Variants in MRPL52 observed in about 807,000 individuals in gnomAD.
MRPL52 encodes the protein mitochondrial ribosomal protein L52, also known as large ribosomal subunit protein mL52.
A neutral mutation model predicts 22.1 loss-of-function variants in MRPL52; 19 were observed. The ratio of observed to expected loss-of-function variants is 0.86; its 90% CI spans 0.60 to 1.26. The LOEUF (loss-of-function observed/expected upper bound fraction) is 1.26, where lower values mean the gene tolerates loss of function less well. Ranked by LOEUF, MRPL52 falls within the 50% of genes most tolerant of loss-of-function variation. The pLI, the probability that MRPL52 is intolerant of heterozygous loss-of-function variation, is 0.00. For synonymous variants in MRPL52, 50 were observed against 57.5 expected (o/e 0.87, Z 0.59); for missense variants, 152 against 148.1 (o/e 1.03, Z -0.14).
Position 22,833,438 on chromosome 14 carries a change from A to C in MRPL52, c.175A>C (p.Met59Leu), listed in dbSNP as rs201749208. ...SYADGRPAPP[M>L]KGQLRRKAER... ...TGTAGATGGCCGCCCTGCTCCCCCA[A>C]TGAAAGGCCAGCTTCGAAGAAAAGC... is the stretch of plus-strand genomic sequence containing the variant. Residue 59 changes from methionine to leucine, a missense_variant, in exon 4 of 5, where the codon ATG becomes CTG. Physicochemically the swap from Met to Leu is conservative, Grantham distance 15 (BLOSUM62 2). Transcript: ENST00000397496. 6.2e-7 allele frequency: 1 copy of C among 1,613,544 alleles called. No homozygotes were observed. The highest frequency in any genetic ancestry group is 1.3e-5 in the African/African-American group (1 of 75,012).
intron 2 of MRPL52, 25 bp downstream of exon 2, chr14:22,830,135 G>T: frequency 2.5e-6 from 4 of 1,614,146 alleles, no homozygotes; most frequent in Non-Finnish European, 3.4e-6. Flanking sequence ...GAGGGCACCT[G>T]GGGGACCAGA....
intron 3 of MRPL52, among the ~76,000 whole-genome samples, chr14:22,832,821 G>A (rs528798857): frequency 5.9e-5 from 9 of 152,108 alleles, no homozygotes; most frequent in African/African-American, 2.2e-4. Flanking sequence ...GGAAGTTGCG[G>A]TGAGCTGAGA....
chr14:22,830,030 A>C (rs531563617), intron 1 of MRPL52, 23 bp from the exon 2 acceptor site: 1 of 1,613,732 alleles, frequency 6.2e-7, no homozygotes, highest in Non-Finnish European at 8.5e-7. Context: ...CTCTCCCCCA[A>C]CTCTGCTCTG....
At chr14:22,832,450 C>T (rs2039642289) in intron 3 of MRPL52, among the ~76,000 whole-genome samples, 1 of 152,066 alleles carries the variant, frequency 6.6e-6, no homozygotes, top group African/African-American at 2.4e-5. Flanking sequence ...AGGCCATTCT[C>T]ATGCCTCAGC....
At chr14:22,830,825 T>C (rs2039591462) in intron 3 of MRPL52, 3 of 590,984 alleles carry the variant, frequency 5.1e-6, no homozygotes. Flanking sequence ...AGTGTACAAG[T>C]AGGAAATTTG....
intron 4 of MRPL52, among the ~76,000 whole-genome samples, chr14:22,833,684 G>A (rs758244163): frequency 2.4e-4 from 37 of 152,130 alleles, no homozygotes; most frequent in Non-Finnish European, 2.2e-4. Flanking sequence ...GAGTGCAATG[G>A]CGCTATCTCA....
At chr14:22,832,379 C>T (rs886552975) in intron 3 of MRPL52, among the ~76,000 whole-genome samples, 1 of 151,922 alleles carries the variant, frequency 6.6e-6, no homozygotes, top group Admixed American at 6.6e-5. Flanking sequence ...CAGGCTCTGT[C>T]GCCCAGGCTG....
chr14:22,830,948 T>G, intron 3 of MRPL52: 1 of 1,502,668 alleles, frequency 6.7e-7, no homozygotes. Context: ...TTTAATACCC[T>G]ATTGTTGCTC....
chr14:22,831,044 A>G lies in MRPL52; in HGVS notation c.154+790A>G, dbSNP rs1055300832. The G allele has an allele frequency of 3.4e-6, 5 of 1,474,184 alleles. No individual in the cohort carries two copies. The African/African-American group carries it at 4.2e-5, about 13-fold the overall frequency. 91.3% of individuals were successfully genotyped at this position (1,474,184 alleles called of 1,614,324 possible). ...TTTCTACTTGTTATTTACTGTAAGA[A>G]GCCTGGCATCTCCTTGTAGTAGTAT... On this transcript the variant is annotated intron_variant, in intron 3 of 4. Coordinates refer to ENST00000397496, the MANE Select transcript of MRPL52 (RefSeq NM_180982.3).
chr14:22,833,160 G>C (rs777693088), intron 3 of MRPL52: 8 of 327,656 alleles, frequency 2.4e-5, no homozygotes, highest in Non-Finnish European at 4.6e-5. Flanking sequence ...CCTGGCAACA[G>C]AGCGAGACTG....
chr14:22,830,055 G>T lies in MRPL52; in HGVS notation c.31G>T (p.Val11Phe). MAALGTVLFSVRRLHCSVAAW... is the reference protein window; with the variant it reads MAALGTVLFSFRRLHCSVAAW... ...ACTCTGCTCTGTTCTCCCAGCAGGT[G>T]TCCGGAGGCTGCACTGCAGCGTAGC... Residue 11 changes from valine to phenylalanine, a missense_variant and splice_region_variant, in exon 2 of 5, where the codon GTC (valine) becomes TTC (phenylalanine). By Grantham distance (50) the Val-to-Phe change is conservative. Transcript: ENST00000397496. The T allele has an allele frequency of 6.2e-7, 1 of 1,614,072 alleles. No homozygotes were observed. Among genetic ancestry groups the T allele is most frequent in the Non-Finnish European group, 8.5e-7 (1 of 1,179,960 alleles).
At position 22,834,473 on chromosome 14, in the gene MRPL52, C is replaced by T. The variant is rs2039695941; in HGVS notation, c.*152C>T. 3 of 875,664 alleles carry T rather than the reference C, an allele frequency of 3.4e-6. No homozygotes were observed. The highest frequency in any genetic ancestry group is 5.2e-6 in the Non-Finnish European group (3 of 581,770). The allele number at this position is 875,664 out of a possible 1,614,324, so 54.2% of individuals were successfully genotyped here. A position where few individuals can be genotyped will look rare whatever the true frequency, so the allele number is the denominator to read the frequency against. ...CCAAGAACAAGCTGTTAGATCACTG[C>T]CTGGGAGGCTTGGCTTAGTACTCTC... On this transcript the variant is annotated 3_prime_UTR_variant, in exon 5 of 5. Transcript: ENST00000397496.
At chr14:22,832,253 G>A (rs1352661361) in intron 3 of MRPL52, among the ~76,000 whole-genome samples, 1 of 152,192 alleles carries the variant, frequency 6.6e-6, no homozygotes, top group Admixed American at 6.5e-5. Context: ...AAAAGGAAAA[G>A]AGGGCATTTC....
intron 3 of MRPL52, chr14:22,831,066 G>T (rs1182947150): frequency 1.2e-6 from 1 of 804,106 alleles, no homozygotes; most frequent in Admixed American, 2.3e-5. Context: ...CCTTGTAGTA[G>T]TATGGACTAT....
chr14:22,832,090 A>G (rs907131178), intron 3 of MRPL52: 3 of 152,184 alleles, frequency 2.0e-5, no homozygotes, highest in African/African-American at 7.2e-5. Flanking sequence ...AAAAAATAAA[A>G]CAGAAGAGTA....
At chr14:22,830,719 C>A in intron 3 of MRPL52, 1 of 432,310 alleles carries the variant, frequency 2.3e-6, no homozygotes. Context: ...TTTACCTTTA[C>A]TTACAAAAGA....
chr14:22,830,843 C>A, intron 3 of MRPL52: 1 of 655,094 alleles, frequency 1.5e-6, no homozygotes, highest in South Asian at 2.0e-5. Context: ...TTGAGGCCTA[C>A]AGAAGTGAAT....
intron 1 of MRPL52, 45 bp from the exon 2 acceptor site, chr14:22,830,008 C>G: frequency 6.2e-7 from 1 of 1,613,478 alleles, no homozygotes; most frequent in East Asian, 2.2e-5. Context: ...ACCCCTGATC[C>G]GGCTGCGCGG....
chr14:22,834,240 G>A lies in MRPL52; in HGVS notation c.288G>A (p.Lys96=). The part of the protein sequence containing the change: ...GLQAWQLRQQ[K]LQEEQRKQEN... ...AAGCATGGCAGCTCAGGCAGCAGAA[G>A]TTGCAGGAAGAACAAAGGAAGCAGG... The change falls in exon 5 of 5, where the codon AAG becomes AAA. Residue 96 remains lysine (K), a synonymous_variant. Transcript: ENST00000397496. The A allele has an allele frequency of 1.2e-6, 2 of 1,614,230 alleles. No homozygotes were observed. The highest frequency in any genetic ancestry group is 1.7e-6 in the Non-Finnish European group (2 of 1,180,048).
Sources: allele counts gnomAD v4.1 joint callset (sites outside exome capture counted in the v4.1 genomes callset), GRCh38; gene constraint gnomAD v4.1.1; transcripts MANE v1.5; gene names NCBI Gene and HGNC (gene_info 2026-07-23, HGNC 2026-07-21).